Variants in SLC17A5 observed in about 807,000 individuals in gnomAD.
The protein encoded by SLC17A5 is solute carrier family 17 member 5.
SLC17A5 carries 47 observed loss-of-function variants against 59.4 expected under a neutral mutation model. The ratio of observed to expected loss-of-function variants is 0.79; its 90% CI spans 0.63 to 1.01. SLC17A5 has a LOEUF of 1.01. SLC17A5 is among the 50% of genes least tolerant of loss of function. The probability of loss-of-function intolerance (pLI) is 0.00; values close to 1 mark genes in which losing one functional copy is unlikely to be tolerated. For missense variants in SLC17A5, 522 were observed against 595.5 expected, an observed-to-expected ratio of 0.88 and a Z score of 1.28; for synonymous variants, 202 against 210.7, an observed-to-expected ratio of 0.96 and a Z score of 0.36.
Position 73,653,839 on chromosome 6 carries a change from G to A in SLC17A5, c.48C>T (p.Ser16=). 1 of 1,605,920 alleles carries A rather than the reference G, an allele frequency of 6.2e-7. No individual in the cohort carries two copies. Among genetic ancestry groups the A allele is most frequent in the Non-Finnish European group, 8.5e-7 (1 of 1,177,196 alleles). Reference sequence around the variant, plus strand: ...CCGGTAGAAGAGGCGTGCGGTCCGTGCTCTCCTCGCCATCGTTCCGGGCCA... The same window carrying A: ...CCGGTAGAAGAGGCGTGCGGTCCGTACTCTCCTCGCCATCGTTCCGGGCCA... The part of the protein sequence containing the change: ...RDLARNDGEE[S]TDRTPLLPGA... The change falls in exon 1 of 11, where the codon AGC becomes AGT. Residue 16 remains serine, a synonymous_variant. Transcript: ENST00000355773.
intron 3 of SLC17A5, among the ~76,000 whole-genome samples, chr6:73,640,149 GAAGTA>G (rs1769215894): frequency 6.6e-6 from 1 of 152,168 alleles, no homozygotes; most frequent in South Asian, 2.1e-4. Flanking sequence ...GCATAAACTG[GAAGTA>G]AAATATGGGA....
At chr6:73,626,311 C>T (rs12210690) in intron 6 of SLC17A5, among the ~76,000 whole-genome samples, 8,685 of 152,198 alleles carry the variant, frequency 0.057, 430 homozygotes, top group Admixed American at 0.16. Context: ...GCTTATCAAA[C>T]GAATACAAGG....
intron 9 of SLC17A5, among the ~76,000 whole-genome samples, chr6:73,606,399 C>T (rs980232168): frequency 1.1e-4 from 16 of 152,292 alleles, no homozygotes; most frequent in African/African-American, 3.6e-4. Context: ...CAGCAGTCCT[C>T]ATTATCTGAG....
chr6:73,599,419 A>C (rs1196174862), intron 10 of SLC17A5, among the ~76,000 whole-genome samples: 4 of 152,110 alleles, frequency 2.6e-5, no homozygotes, highest in African/African-American at 9.7e-5. Flanking sequence ...GCTGTAACAT[A>C]TCCCAAATCA....
At chr6:73,618,929 G>A (rs1186017772) in intron 7 of SLC17A5, among the ~76,000 whole-genome samples, 1 of 152,116 alleles carries the variant, frequency 6.6e-6, no homozygotes, top group Admixed American at 6.6e-5. Flanking sequence ...ATTTCACCGT[G>A]TTGCTCAGGC....
intron 3 of SLC17A5, among the ~76,000 whole-genome samples, chr6:73,638,805 T>TAA (rs3834307): frequency 2.0e-5 from 3 of 147,036 alleles, no homozygotes; most frequent in Non-Finnish European, 3.0e-5. Flanking sequence ...CACCATCTCT[T>TAA]AAAAAAAAAA....
chr6:73,644,660 CA>C, intron 1 of SLC17A5, 57 bp from the exon 2 acceptor site: 1 of 1,494,590 alleles, frequency 6.7e-7, no homozygotes, highest in South Asian at 1.2e-5. Context: ...TTTTTAGAGA[CA>C]GGGTTTTGCC....
chr6:73,650,821 T>A lies in SLC17A5; in HGVS notation c.94+2972A>T, dbSNP rs74969663. Among the ~76,000 whole-genome samples the A allele has an allele frequency of 4.5e-3, 689 of 152,320 alleles. 9 individuals carry two copies. The highest frequency in any genetic ancestry group is 0.016 in the African/African-American group (656 of 41,580). ...AGTCTATAAGGGCAGGAGCTTTTGT[T>A]CTGTTTTGTTTACTTCTTTGTATCT... On this transcript the variant is annotated intron_variant, in intron 1 of 10. Transcript: ENST00000355773.
At chr6:73,643,456 G>A (rs1016531913) in intron 2 of SLC17A5, among the ~76,000 whole-genome samples, 3 of 147,092 alleles carry the variant, frequency 2.0e-5, no homozygotes, top group African/African-American at 2.5e-5. Flanking sequence ...CACCGCGCCC[G>A]GCCAAAAATT....
chr6:73,607,324 G>A (rs554318200), intron 9 of SLC17A5, among the ~76,000 whole-genome samples: 2 of 148,398 alleles, frequency 1.3e-5, no homozygotes, highest in East Asian at 3.9e-4. Flanking sequence ...TTGTCACCCA[G>A]GCTAGAGTGC....
chr6:73,615,183 C>G, intron 8 of SLC17A5, 132 bp downstream of exon 8: 1 of 1,006,900 alleles, frequency 9.9e-7, no homozygotes, highest in South Asian at 1.3e-5. Flanking sequence ...GTGATTAGAG[C>G]GAGGTGTTCT....
At chr6:73,628,427 C>T (rs968469533) in intron 6 of SLC17A5, among the ~76,000 whole-genome samples, 14 of 151,926 alleles carry the variant, frequency 9.2e-5, no homozygotes, top group African/African-American at 2.2e-4. Flanking sequence ...AACAATTAGC[C>T]GGGAATGGTG....
intron 1 of SLC17A5, chr6:73,653,306 C>T (rs964135031): frequency 1.0e-6 from 1 of 985,340 alleles, no homozygotes; most frequent in Non-Finnish European, 1.2e-6. Flanking sequence ...GGAAACCTAG[C>T]GGTGACAGGG....
rs367852327 is a variant in SLC17A5, at chr6:73,595,178, C to T, written c.1387G>A (p.Ala463Thr). The change falls in exon 11 of 11, where the codon GCT (alanine) becomes ACT (threonine). Residue 463 changes from alanine (A) to threonine (T), a missense_variant. Transcript: ENST00000355773. ...GCACCAAAAACATTAATAGCAGCAG[C>T]AATATAGAACACGGTTTGCCATTCT... ...VGEWQTVFYI[A>T]AAINVFGAIF... 1.1e-5 allele frequency: 18 copies of T among 1,613,870 alleles called. No individual in the cohort carries two copies. Among genetic ancestry groups the T allele is most frequent in the Admixed American group, 3.3e-5 (2 of 59,978 alleles).
At chr6:73,621,264 C>T (rs1368860150) in intron 7 of SLC17A5, among the ~76,000 whole-genome samples, 1 of 152,192 alleles carries the variant, frequency 6.6e-6, no homozygotes, top group South Asian at 2.1e-4. Context: ...CTTGGCCTCC[C>T]AAAGTGCTGG....
intron 6 of SLC17A5, among the ~76,000 whole-genome samples, chr6:73,624,215 G>A (rs1220324612): frequency 1.3e-5 from 2 of 151,516 alleles, no homozygotes; most frequent in African/African-American, 2.4e-5. Context: ...ACCAACCTGG[G>A]CAACATGGTG....
intron 2 of SLC17A5, among the ~76,000 whole-genome samples, chr6:73,643,449 C>T (rs745770686): frequency 2.7e-5 from 4 of 149,068 alleles, no homozygotes; most frequent in Non-Finnish European, 5.9e-5. Context: ...TGTGAGCCAC[C>T]GCGCCCGGCC....
chr6:73,644,257 A>G (rs568569527), intron 2 of SLC17A5, 150 bp downstream of exon 2: 3 of 649,824 alleles, frequency 4.6e-6, no homozygotes, highest in Admixed American at 5.7e-5. Context: ...TTATTGCCCA[A>G]TCAGTTCCTG....
intron 4 of SLC17A5, among the ~76,000 whole-genome samples, chr6:73,638,051 CT>C (rs1006401784): frequency 2.0e-5 from 3 of 150,026 alleles, no homozygotes; most frequent in South Asian, 2.1e-4. Context: ...AGCTACTGGC[CT>C]TTTTTTTTCT....
Sources: allele counts gnomAD v4.1 joint callset (sites outside exome capture counted in the v4.1 genomes callset), GRCh38; gene constraint gnomAD v4.1.1; transcripts MANE v1.5; gene names NCBI Gene and HGNC (gene_info 2026-07-23, HGNC 2026-07-21).